Variants in CDH12 observed in about 807,000 individuals in gnomAD.
The protein encoded by CDH12 is cadherin-12.
Under a neutral mutation model 74.1 loss-of-function variants are expected in CDH12, and 41 were observed. That is an observed-to-expected ratio of 0.55 (90% CI 0.43 to 0.72). The LOEUF (loss-of-function observed/expected upper bound fraction) is 0.72, where lower values mean the gene tolerates loss of function less well. Among genes scored for constraint, CDH12 ranks in the 30% least tolerant of loss-of-function variants. The pLI is 0.00. For missense variants in CDH12, 945 were observed against 977.2 expected, an observed-to-expected ratio of 0.97 and a Z score of 0.44; for synonymous variants, 399 against 355.0, an observed-to-expected ratio of 1.12 and a Z score of -1.39.
chr5:22,695,222 T>C (rs548110879), intron 1 of CDH12, among the ~76,000 whole-genome samples: 2 of 152,296 alleles, frequency 1.3e-5, no homozygotes, highest in East Asian at 1.9e-4. Flanking sequence ...GCCACATTTA[T>C]TTATTAATGA....
At chr5:22,229,343 A>AT (rs1178800650) in intron 3 of CDH12, among the ~76,000 whole-genome samples, 15 of 76,462 alleles carry the variant, frequency 2.0e-4, no homozygotes, top group East Asian at 7.3e-4. Flanking sequence ...AATTTACTTT[A>AT]TTTTTTCTGC....
At chr5:21,989,197 T>A (rs1757647229) in intron 5 of CDH12, among the ~76,000 whole-genome samples, 1 of 152,198 alleles carries the variant, frequency 6.6e-6, no homozygotes, top group South Asian at 2.1e-4. Context: ...TAAGAATACA[T>A]ATTCTTCAAG....
chr5:22,053,506 TGTATCACG>T (rs1740529733), intron 5 of CDH12, among the ~76,000 whole-genome samples: 1 of 152,058 alleles, frequency 6.6e-6, no homozygotes, highest in Non-Finnish European at 1.5e-5. Flanking sequence ...ACAGCTTCTG[TGTATCACG>T]GTGGCTGCCA....
chr5:21,870,495 C>G (rs1751564419), intron 6 of CDH12, among the ~76,000 whole-genome samples: 1 of 152,122 alleles, frequency 6.6e-6, no homozygotes, highest in Non-Finnish European at 1.5e-5. Flanking sequence ...AAAGATTTGT[C>G]CAGATGTAGC....
At chr5:22,605,945 A>G (rs1352527042) in intron 1 of CDH12, among the ~76,000 whole-genome samples, 1 of 152,206 alleles carries the variant, frequency 6.6e-6, no homozygotes, top group Non-Finnish European at 1.5e-5. Flanking sequence ...CAAGAGCAGC[A>G]TCTCTGTTGG....
rs542863815 is a variant in CDH12, at chr5:22,744,988, A to T, written c.-523+108070T>A. 8.6e-4 allele frequency among the ~76,000 whole-genome samples: 130 copies of T among 151,808 alleles called. 2 individuals are homozygous for T. The highest frequency in any genetic ancestry group is 3.0e-3 in the African/African-American group (125 of 41,468). On this transcript the variant is annotated intron_variant, in intron 1 of 14. Transcript: ENST00000382254. ...AAAAAGAACCTGACATATAATTAAC[A>T]CTCAATAATTAACTCGGCTAGCTAA...
intron 3 of CDH12, among the ~76,000 whole-genome samples, chr5:22,310,213 C>A (rs1561302376): frequency 1.3e-5 from 2 of 152,020 alleles, no homozygotes; most frequent in Non-Finnish European, 2.9e-5. Context: ...GTATTCCCTG[C>A]ACTTTGGGAG....
chr5:22,543,309 G>C (rs1255612815), intron 1 of CDH12, among the ~76,000 whole-genome samples: 1 of 152,082 alleles, frequency 6.6e-6, no homozygotes, highest in African/African-American at 2.4e-5. Flanking sequence ...AACCTGAGTA[G>C]ACTGTGTTCC....
At chr5:22,602,191 T>A (rs1736882844) in intron 1 of CDH12, among the ~76,000 whole-genome samples, 1 of 152,110 alleles carries the variant, frequency 6.6e-6, no homozygotes, top group Non-Finnish European at 1.5e-5. Context: ...AGGGCGAGAC[T>A]TCTCTCACCT....
chr5:21,950,440 A>T (rs552443368), intron 6 of CDH12, among the ~76,000 whole-genome samples: 43 of 152,222 alleles, frequency 2.8e-4, no homozygotes, highest in South Asian at 8.3e-4. Context: ...ACAGAAACAA[A>T]CAGAAACAAA....
intron 1 of CDH12, among the ~76,000 whole-genome samples, chr5:22,723,214 A>G (rs1260414577): frequency 6.6e-6 from 1 of 152,184 alleles, no homozygotes; most frequent in African/African-American, 2.4e-5. Context: ...GAGGTACAAA[A>G]GGTAGAAAGG....
At chr5:22,301,344 C>T (rs1737871084) in intron 3 of CDH12, among the ~76,000 whole-genome samples, 1 of 152,142 alleles carries the variant, frequency 6.6e-6, no homozygotes, top group Admixed American at 6.6e-5. Context: ...CAAGGCCAAT[C>T]CCAAACTAAT....
At chr5:22,662,208 T>G (rs1740383730) in intron 1 of CDH12, among the ~76,000 whole-genome samples, 1 of 152,174 alleles carries the variant, frequency 6.6e-6, no homozygotes, top group Non-Finnish European at 1.5e-5. Flanking sequence ...AAAACTTATG[T>G]TCAAGGAATG....
chr5:22,199,400 A>C (rs1487442539), intron 4 of CDH12, among the ~76,000 whole-genome samples: 1 of 152,228 alleles, frequency 6.6e-6, no homozygotes, highest in African/African-American at 2.4e-5. Context: ...TCCTAAGTTC[A>C]TATGTTGTTT....
At chr5:22,048,028 G>A (rs1243877377) in intron 5 of CDH12, among the ~76,000 whole-genome samples, 2 of 152,274 alleles carry the variant, frequency 1.3e-5, no homozygotes, top group South Asian at 2.1e-4. Context: ...GGGCTGTCAA[G>A]TGGGATACTT....
intron 11 of CDH12, among the ~76,000 whole-genome samples, chr5:21,777,564 C>T (rs901760015): frequency 1.3e-5 from 2 of 151,554 alleles, no homozygotes; most frequent in African/African-American, 2.4e-5. Context: ...ACTCTGTCAC[C>T]CAGGCTGGAG....
chr5:22,391,994 G>A (rs562327505), intron 3 of CDH12, among the ~76,000 whole-genome samples: 1 of 152,282 alleles, frequency 6.6e-6, no homozygotes, highest in Admixed American at 6.5e-5. Flanking sequence ...AGAGGTAAGG[G>A]ATGGAAAAGC....
chr5:22,062,299 A>T (rs1276102339), intron 5 of CDH12, among the ~76,000 whole-genome samples: 1 of 152,174 alleles, frequency 6.6e-6, no homozygotes, highest in Non-Finnish European at 1.5e-5. Context: ...CATACAATGG[A>T]CATGGACTAT....
intron 5 of CDH12, among the ~76,000 whole-genome samples, chr5:22,055,678 TATTC>T (rs893542340): frequency 6.6e-6 from 1 of 152,100 alleles, no homozygotes; most frequent in Admixed American, 6.6e-5. Flanking sequence ...ATTCACTTAA[TATTC>T]ATTCATTCAT....
Sources: gnomAD v4.1 joint callset for allele counts (sites outside exome capture counted in the v4.1 genomes callset) on GRCh38, gnomAD v4.1.1 for gene constraint, MANE v1.5 for transcripts, NCBI Gene and HGNC (gene_info 2026-07-23, HGNC 2026-07-21) for gene names.